Variants in HDAC3 observed in about 807,000 individuals in gnomAD.
The protein encoded by HDAC3 is SMAP45.
In HDAC3, 21 loss-of-function variants were observed where a neutral mutation model predicts 62.3. That is an observed-to-expected ratio of 0.34 (90% CI 0.24 to 0.49). The LOEUF (loss-of-function observed/expected upper bound fraction) is 0.49, where lower values mean the gene tolerates loss of function less well. HDAC3 is among the 20% of genes least tolerant of loss of function. The probability of loss-of-function intolerance (pLI) is 0.99; values close to 1 mark genes in which losing one functional copy is unlikely to be tolerated. For missense variants in HDAC3, 270 were observed against 556.9 expected (o/e 0.48, Z 5.19); for synonymous variants, 198 against 206.5 (o/e 0.96, Z 0.35).
chr5:141,622,858 A>G (rs2099903905), intron 14 of HDAC3, among the ~76,000 whole-genome samples: 1 of 151,956 alleles, frequency 6.6e-6, no homozygotes, highest in South Asian at 2.1e-4. Flanking sequence ...TCACACCTGT[A>G]GCCTGTAATC....
chr5:141,624,925 G>T (rs2099904252), intron 14 of HDAC3: 1 of 338,674 alleles, frequency 3.0e-6, no homozygotes. Context: ...TATAGAAAAA[G>T]GTCTATCCAA....
At chr5:141,633,916 A>G (rs1195843514) in intron 3 of HDAC3, among the ~76,000 whole-genome samples, 3 of 151,884 alleles carry the variant, frequency 2.0e-5, no homozygotes, top group African/African-American at 7.3e-5. Context: ...GCACTACTTC[A>G]CTTTCAGAAA....
intron 3 of HDAC3, among the ~76,000 whole-genome samples, chr5:141,634,371 C>G (rs1044460290): frequency 1.3e-5 from 2 of 152,130 alleles, no homozygotes; most frequent in African/African-American, 4.8e-5. Context: ...ACCACAGACC[C>G]TTAGCACTTG....
intron 3 of HDAC3, among the ~76,000 whole-genome samples, chr5:141,634,587 C>T (rs73794950): frequency 0.024 from 3,663 of 152,250 alleles, 114 homozygotes; most frequent in African/African-American, 0.076. Flanking sequence ...AGCAAAAATA[C>T]GATATTAAAA....
intron 1 of HDAC3, 34 bp downstream of exon 1, chr5:141,636,702 T>A: frequency 1.2e-6 from 2 of 1,613,548 alleles, no homozygotes; most frequent in South Asian, 1.1e-5. Context: ...AACCTCCGTG[T>A]CCCAACCCCT....
rs887978310 is a variant in HDAC3, at chr5:141,628,958, C to A, written c.610+215G>T. ...GCAGTAAACAAAACAAAACAAAAAA[C>A]CACAATAAACACAAATAGCAGTGAG... On this transcript the variant is annotated intron_variant, in intron 7 of 14. Transcript: ENST00000305264. The surrounding 1 kb of genome is among the most constrained non-coding windows in gnomAD (Gnocchi z 4.7). Among the ~76,000 whole-genome samples the A allele has an allele frequency of 6.6e-6, 1 of 152,018 alleles. No homozygotes were observed. The highest frequency in any genetic ancestry group is 2.4e-5 in the African/African-American group (1 of 41,366).
rs923489701 is a variant in HDAC3 at position 141,628,894 on chromosome 5, C to T, written c.611-255G>A. ...TAATGAAATTTACGATATCCCACCA[C>T]GCTTATATTCTTAGGGAATAGCCAT... On this transcript the variant is annotated intron_variant, in intron 7 of 14. Coordinates refer to ENST00000305264, the MANE Select transcript of HDAC3 (RefSeq NM_003883.4). The surrounding 1 kb of genome is among the most constrained non-coding windows in gnomAD (Gnocchi z 4.7). Among the ~76,000 whole-genome samples the T allele has an allele frequency of 1.3e-5, 2 of 152,176 alleles. No individual in the cohort carries two copies. Among genetic ancestry groups the T allele is most frequent in the African/African-American group, 2.4e-5 (1 of 41,430 alleles).
In HDAC3 at chr5:141,626,579, A is replaced by T; in HGVS notation, c.831-296T>A. 2.6e-6 allele frequency: 1 copy of T among 387,598 alleles called. No homozygotes were observed. Among genetic ancestry groups the T allele is most frequent in the Non-Finnish European group, 4.9e-6 (1 of 205,568 alleles). The allele number at this position is 387,598 out of a possible 1,614,324, so 24.0% of individuals were successfully genotyped here. ...CCAAGTTCTGTCAATTCTAGCCTTG[A>T]AAATATAACTCACGCCCGGCGCGGT... On this transcript the variant is annotated intron_variant, in intron 10 of 14. Coordinates refer to ENST00000305264, the MANE Select transcript of HDAC3 (RefSeq NM_003883.4). This position sits in a 1 kb window ranked among gnomAD's most constrained non-coding sequence, Gnocchi z 4.6.
chr5:141,625,443 C>G lies in HDAC3; in HGVS notation c.1060-78G>C. 1 of 1,505,272 alleles carries G rather than the reference C, an allele frequency of 6.6e-7. No individual in the cohort carries two copies. The highest frequency in any genetic ancestry group is 9.2e-7 in the Non-Finnish European group (1 of 1,086,582). The allele number at this position is 1,505,272 out of a possible 1,614,324, so 93.2% of individuals were successfully genotyped here. A position where few individuals can be genotyped will look rare whatever the true frequency, so the allele number is the denominator to read the frequency against. ...ATGGAATCTCCTAGCTGCCTTTTAC[C>G]CCTACCATACTGGTTTTCATCTCAG... is the stretch of plus-strand genomic sequence containing the variant. On this transcript the variant is annotated intron_variant, in intron 13 of 14. Coordinates refer to ENST00000305264, the MANE Select transcript of HDAC3 (RefSeq NM_003883.4). The surrounding 1 kb of genome is among the most constrained non-coding windows in gnomAD (Gnocchi z 4.0).
rs1414270946 is a variant in HDAC3 at position 141,636,396 on chromosome 5, C to T, written c.138+152G>A. The T allele has an allele frequency of 5.8e-6, 4 of 694,098 alleles. No individual in the cohort carries two copies. In the East Asian group the frequency reaches 1.1e-4, roughly 19 times the overall value. The allele number at this position is 694,098 out of a possible 1,614,324, so 43.0% of individuals were successfully genotyped here. ...TAAGCAGAGGACGCCACCCCCAACA[C>T]CCTGCACTTTCAAGGTACTCCTGGT... is the stretch of plus-strand genomic sequence containing the variant. On this transcript the variant is annotated intron_variant, in intron 2 of 14. Coordinates refer to ENST00000305264, the MANE Select transcript of HDAC3 (RefSeq NM_003883.4).
chr5:141,626,378 T>A lies in HDAC3; in HGVS notation c.831-95A>T. On this transcript the variant is annotated intron_variant, in intron 10 of 14. Coordinates refer to ENST00000305264, the MANE Select transcript of HDAC3 (RefSeq NM_003883.4). This position sits in a 1 kb window ranked among gnomAD's most constrained non-coding sequence, Gnocchi z 4.6. The stretch of plus-strand genomic sequence containing the variant: ...GCCTGAAAGGAGCACAAGAAAACTA[T>A]AAATGTTCTAAATCTTTATCTTGAT... The A allele has an allele frequency of 1.2e-6, 1 of 833,060 alleles. No homozygotes were observed. The highest frequency in any genetic ancestry group is 2.0e-6 in the Non-Finnish European group (1 of 500,602). 51.6% of individuals were successfully genotyped at this position (833,060 alleles called of 1,614,324 possible).
intron 10 of HDAC3, among the ~76,000 whole-genome samples, chr5:141,627,523 G>C (rs1022728222): frequency 6.6e-6 from 1 of 152,088 alleles, no homozygotes; most frequent in African/African-American, 2.4e-5. Flanking sequence ...TCTCAAGTAG[G>C]TCCCCCATTG....
At chr5:141,636,424 C>T in intron 2 of HDAC3, 124 bp downstream of exon 2, 1 of 835,410 alleles carries the variant, frequency 1.2e-6, no homozygotes, top group African/African-American at 1.7e-5. Flanking sequence ...CTCCTGGTGA[C>T]TTCTATCCAG....
At chr5:141,634,628 C>T (rs1000388630) in intron 3 of HDAC3, among the ~76,000 whole-genome samples, 183 bp downstream of exon 3, 1 of 152,186 alleles carries the variant, frequency 6.6e-6, no homozygotes, top group Non-Finnish European at 1.5e-5. Context: ...GCATTCCCAG[C>T]ACTTAGCACA....
intron 14 of HDAC3, among the ~76,000 whole-genome samples, chr5:141,622,579 G>T (rs1562363536): frequency 2.0e-5 from 3 of 151,098 alleles, no homozygotes; most frequent in Admixed American, 1.3e-4. Context: ...CTCCAGCCTG[G>T]CAACAGAGTG....
chr5:141,636,391 C>T (rs1166477916), intron 2 of HDAC3, 157 bp downstream of exon 2: 1 of 681,660 alleles, frequency 1.5e-6, no homozygotes. Context: ...ACGCCACCCC[C>T]AACACCCTGC....
intron 9 of HDAC3, 36 bp from the exon 10 acceptor site, chr5:141,627,993 C>T: frequency 6.2e-7 from 1 of 1,608,664 alleles, no homozygotes; most frequent in Non-Finnish European, 8.5e-7. Context: ...GTGCAGTGAT[C>T]AGAACTGATC....
rs927114608 is a variant in HDAC3 at position 141,636,699 on chromosome 5, G to A, written c.55+37C>T. The A allele has an allele frequency of 5.6e-6, 9 of 1,613,002 alleles. No individual in the cohort carries two copies. The African/African-American group carries it at 9.3e-5, about 17-fold the overall frequency. On this transcript the variant is annotated intron_variant, in intron 1 of 14. Coordinates refer to ENST00000305264, the MANE Select transcript of HDAC3 (RefSeq NM_003883.4). ...GTTGCAACCCCGCCTCAAAACCTCC[G>A]TGTCCCAACCCCTCATGCATATCCC... is the stretch of plus-strand genomic sequence containing the variant.
chr5:141,624,693 C>T (rs2099904218), intron 14 of HDAC3, among the ~76,000 whole-genome samples: 1 of 151,632 alleles, frequency 6.6e-6, no homozygotes, highest in Non-Finnish European at 1.5e-5. Context: ...TATTGTAATA[C>T]CAAAAAAATG....
Sources: allele counts gnomAD v4.1 joint callset (sites outside exome capture counted in the v4.1 genomes callset), GRCh38; gene constraint gnomAD v4.1.1; non-coding constraint Gnocchi (gnomAD v3.1); transcripts MANE v1.5; gene names NCBI Gene and HGNC (gene_info 2026-07-23, HGNC 2026-07-21).